TMEM117: variants seen among roughly 807,000 people sequenced by gnomAD.
TMEM117 encodes transmembrane protein 117.
Under a neutral mutation model 52.4 loss-of-function variants are expected in TMEM117, and 27 were observed. The observed-to-expected ratio is 0.51, with a 90% CI of 0.38 to 0.71. The LOEUF (loss-of-function observed/expected upper bound fraction) is 0.71. Among genes scored for constraint, TMEM117 ranks in the 30% least tolerant of loss-of-function variants. TMEM117 has a pLI of 0.00. For synonymous variants in TMEM117, 215 were observed against 206.3 expected (o/e 1.04, Z -0.36); for missense variants, 556 against 630.5 (o/e 0.88, Z 1.26).
chr12:44,099,691 A>T (rs1708464873), intron 3 of TMEM117, among the ~76,000 whole-genome samples: 1 of 152,060 alleles, frequency 6.6e-6, no homozygotes, highest in African/African-American at 2.4e-5. Flanking sequence ...ATAAAACATG[A>T]CTTCAAAGTC....
chr12:43,833,947 G>T (rs1942996961), upstream of TMEM117, among the ~76,000 whole-genome samples: 1 of 152,052 alleles, frequency 6.6e-6, no homozygotes, highest in South Asian at 2.1e-4. Context: ...ACAAAAATTA[G>T]CCAGGTGTGG....
At chr12:44,001,080 C>A (rs551931469) in intron 3 of TMEM117, among the ~76,000 whole-genome samples, 29 of 152,214 alleles carry the variant, frequency 1.9e-4, no homozygotes, top group Non-Finnish European at 3.7e-4. Context: ...AGGCTTCTGG[C>A]AGTCCCGGAG....
intron 5 of TMEM117, among the ~76,000 whole-genome samples, chr12:44,255,380 A>C (rs1247223887): frequency 6.6e-6 from 1 of 152,174 alleles, no homozygotes; most frequent in Non-Finnish European, 1.5e-5. Flanking sequence ...CACATGAAAA[A>C]ATGCTCATCA....
At chr12:44,303,245 C>T (rs1950864161) in intron 6 of TMEM117, among the ~76,000 whole-genome samples, 1 of 151,712 alleles carries the variant, frequency 6.6e-6, no homozygotes, top group African/African-American at 2.4e-5. Flanking sequence ...GATGGGGTTT[C>T]TCTATGTTGG....
chr12:43,864,356 G>T (rs1943546116), intron 2 of TMEM117, among the ~76,000 whole-genome samples: 1 of 152,244 alleles, frequency 6.6e-6, no homozygotes, highest in South Asian at 2.1e-4. Flanking sequence ...GAAGCCAGCT[G>T]GGCTTCTGAG....
intron 2 of TMEM117, among the ~76,000 whole-genome samples, chr12:43,881,685 A>G (rs981619460): frequency 3.4e-5 from 5 of 145,756 alleles, no homozygotes; most frequent in Non-Finnish European, 7.5e-5. Flanking sequence ...GCTACTCAGG[A>G]GGCTGAGGCA....
intron 5 of TMEM117, among the ~76,000 whole-genome samples, chr12:44,228,813 GGTCA>G (rs974834852): frequency 3.9e-5 from 6 of 152,126 alleles, no homozygotes; most frequent in African/African-American, 1.2e-4. Flanking sequence ...TTTGAGATAT[GGTCA>G]GTCCAAGAAG....
chr12:44,330,826 G>A (rs1951259867), intron 6 of TMEM117, among the ~76,000 whole-genome samples: 1 of 152,064 alleles, frequency 6.6e-6, no homozygotes, highest in Non-Finnish European at 1.5e-5. Context: ...CATTGACCAT[G>A]TGTATGCACA....
chr12:44,011,171 C>G (rs1013619600), intron 3 of TMEM117, among the ~76,000 whole-genome samples: 1 of 151,680 alleles, frequency 6.6e-6, no homozygotes, highest in Non-Finnish European at 1.5e-5. Flanking sequence ...AGGTTTTTTT[C>G]TAGAAAAAAG....
chr12:43,951,807 C>T (rs1300260557), intron 3 of TMEM117, among the ~76,000 whole-genome samples: 1 of 152,202 alleles, frequency 6.6e-6, no homozygotes, highest in Non-Finnish European at 1.5e-5. Context: ...AGACTGCCTC[C>T]TCAAGAGGGT....
intron 5 of TMEM117, among the ~76,000 whole-genome samples, chr12:44,243,008 A>G (rs943762728): frequency 7.2e-5 from 11 of 151,922 alleles, no homozygotes; most frequent in Non-Finnish European, 1.5e-4. Context: ...ATGATCACTG[A>G]TATTGAGCAT....
chr12:43,945,104 C>T lies in TMEM117; in HGVS notation c.410+762C>T, dbSNP rs182799682. Among the ~76,000 whole-genome samples the T allele has an allele frequency of 1.3e-3, 22 of 17,328 alleles. No homozygotes were observed. The East Asian group carries it at 0.05, about 40-fold the overall frequency. 11.4% of individuals were successfully genotyped at this position (17,328 alleles called of 152,430 possible). A position where few individuals can be genotyped will look rare whatever the true frequency, so the allele number is the denominator to read the frequency against. ...CTAGCCTGGCAACAAAGCAAGACTC[C>T]GTCTCTAAATAAATAAATAAATAAA... is the stretch of plus-strand genomic sequence containing the variant. On this transcript the variant is annotated intron_variant, in intron 3 of 7. Coordinates refer to ENST00000266534, the MANE Select transcript of TMEM117 (RefSeq NM_032256.3).
At chr12:44,230,430 G>C (rs1335643212) in intron 5 of TMEM117, among the ~76,000 whole-genome samples, 1 of 151,794 alleles carries the variant, frequency 6.6e-6, no homozygotes, top group Non-Finnish European at 1.5e-5. Context: ...CATCCAATCA[G>C]GTCCTTAAAA....
At chr12:43,929,744 C>T (rs1033713970) in intron 2 of TMEM117, among the ~76,000 whole-genome samples, 2 of 152,086 alleles carry the variant, frequency 1.3e-5, no homozygotes, top group Non-Finnish European at 2.9e-5. Flanking sequence ...ATATTATGTG[C>T]ATATTTAACA....
At chr12:44,004,209 G>A (rs1439750233) in intron 3 of TMEM117, among the ~76,000 whole-genome samples, 2 of 151,762 alleles carry the variant, frequency 1.3e-5, no homozygotes, top group Non-Finnish European at 1.5e-5. Context: ...TGCACGATAA[G>A]CTTTGAAGCT....
intron 3 of TMEM117, among the ~76,000 whole-genome samples, chr12:44,038,672 G>A (rs533235149): frequency 2.6e-5 from 4 of 152,318 alleles, no homozygotes; most frequent in Admixed American, 1.3e-4. Flanking sequence ...TCCAGCTGGC[G>A]AATCAACACC....
At chr12:44,274,842 G>A (rs1565661885) in intron 5 of TMEM117, among the ~76,000 whole-genome samples, 1 of 152,050 alleles carries the variant, frequency 6.6e-6, no homozygotes, top group Non-Finnish European at 1.5e-5. Flanking sequence ...TTCAGCCTAT[G>A]ATACTACTAA....
chr12:43,849,624 C>T (rs1943270853), intron 2 of TMEM117, among the ~76,000 whole-genome samples: 1 of 151,960 alleles, frequency 6.6e-6, no homozygotes, highest in African/African-American at 2.4e-5. Context: ...AGTGAATTCT[C>T]TCTCTCTTTT....
intron 4 of TMEM117, among the ~76,000 whole-genome samples, chr12:44,157,867 A>G (rs1043982567): frequency 4.6e-5 from 7 of 152,130 alleles, no homozygotes; most frequent in Non-Finnish European, 8.8e-5. Flanking sequence ...TTAAAATATA[A>G]TCTTGACTCA....
Sources: gnomAD v4.1 joint callset for allele counts (sites outside exome capture counted in the v4.1 genomes callset) on GRCh38, gnomAD v4.1.1 for gene constraint, MANE v1.5 for transcripts, NCBI Gene and HGNC (gene_info 2026-07-23, HGNC 2026-07-21) for gene names.